The following BDH1 variants were observed in gnomAD, a reference collection of about 807,000 sequenced individuals.
The protein encoded by BDH1 is 3-hydroxybutyrate dehydrogenase 1, also known as D-beta-hydroxybutyrate dehydrogenase, mitochondrial.
Under a neutral mutation model 33.1 loss-of-function variants are expected in BDH1, and 30 were observed. That is an observed-to-expected ratio of 0.91 (90% CI 0.68 to 1.23). The LOEUF is 1.23. Ranked by LOEUF, BDH1 falls within the 50% of genes most tolerant of loss-of-function variation. BDH1 has a pLI of 0.00. For synonymous variants in BDH1, 190 were observed against 183.6 expected (o/e 1.03, Z -0.28); for missense variants, 443 against 464.4 (o/e 0.95, Z 0.42).
upstream of BDH1, among the ~76,000 whole-genome samples, chr3:197,557,242 A>C (rs1560344858): frequency 6.6e-6 from 1 of 152,258 alleles, no homozygotes; most frequent in Non-Finnish European, 1.5e-5. The surrounding 1 kb of genome is among the most constrained non-coding windows in gnomAD (Gnocchi z 4.6). Context: ...GGCACATGTC[A>C]GGACTTCCTG....
rs575256096 is a variant in BDH1 at position 197,521,442 on chromosome 3, C to G, written c.409+1198G>C. On this transcript the variant is annotated intron_variant, in intron 6 of 7. Transcript: ENST00000392379. The surrounding 1 kb of genome is among the most constrained non-coding windows in gnomAD (Gnocchi z 4.9). Reference sequence around the variant, plus strand: ...TTGGCTACTGGTACTGCCCTCTCCTCCAAACTTTCTGTTGTTTAGCCTCTG... The same window carrying G: ...TTGGCTACTGGTACTGCCCTCTCCTGCAAACTTTCTGTTGTTTAGCCTCTG... Among the ~76,000 whole-genome samples, 6 of 152,154 alleles carry G rather than the reference C, an allele frequency of 3.9e-5. No homozygotes were observed. Among genetic ancestry groups the G allele is most frequent in the Non-Finnish European group, 7.4e-5 (5 of 68,010 alleles).
chr3:197,560,495 T>C (rs1427445001), upstream of BDH1, among the ~76,000 whole-genome samples: 1 of 152,232 alleles, frequency 6.6e-6, no homozygotes, highest in African/African-American at 2.4e-5. Context: ...TGTGAGGTCC[T>C]GTTCCAGCCA....
rs1438713448 is a variant in BDH1 at position 197,521,255 on chromosome 3, G to T, written c.409+1385C>A. Among the ~76,000 whole-genome samples the T allele has an allele frequency of 6.6e-6, 1 of 152,132 alleles. No individual in the cohort carries two copies. The highest frequency in any genetic ancestry group is 2.4e-5 in the African/African-American group (1 of 41,426). On this transcript the variant is annotated intron_variant, in intron 6 of 7. Transcript: ENST00000392379. The surrounding 1 kb of genome is among the most constrained non-coding windows in gnomAD (Gnocchi z 4.9). ...AGATTCGCTTCTCCAGATGCTGCTG[G>T]GCGGCCCGGCTCCAGGGAGCTCCAT...
At chr3:197,553,915 A>G (rs1477665469) in intron 2 of BDH1, among the ~76,000 whole-genome samples, 7 of 152,350 alleles carry the variant, frequency 4.6e-5, no homozygotes, top group African/African-American at 1.7e-4. Context: ...GGTGTAACAA[A>G]TGACAGTAGT....
chr3:197,570,839 C>A (rs1023596276), intron 1 of BDH1, among the ~76,000 whole-genome samples: 3 of 152,240 alleles, frequency 2.0e-5, no homozygotes, highest in Admixed American at 6.5e-5. Flanking sequence ...AAAGTCCCCA[C>A]TAGGTTACTG....
intron 1 of BDH1, among the ~76,000 whole-genome samples, chr3:197,564,767 G>A (rs1011914012): frequency 2.6e-5 from 4 of 152,156 alleles, no homozygotes; most frequent in Non-Finnish European, 4.4e-5. Context: ...AATTAACAAG[G>A]TTTTTATGAA....
At chr3:197,549,637 G>A (rs1241126585) in intron 2 of BDH1, among the ~76,000 whole-genome samples, 6 of 152,226 alleles carry the variant, frequency 3.9e-5, no homozygotes. Context: ...TCCTGCCCCC[G>A]AGGAGGGCAA....
chr3:197,542,664 C>G lies in BDH1; in HGVS notation c.83+3697G>C, dbSNP rs1242248573. ...TCAGCCTCCCAAGTAGCTAGGATTA[C>G]AGGCACACGCCACAGGCCCGGCTAA... On this transcript the variant is annotated intron_variant, in intron 3 of 7. Coordinates refer to ENST00000392379, the MANE Select transcript of BDH1 (RefSeq NM_203314.3). Among the ~76,000 whole-genome samples the G allele has an allele frequency of 4.0e-5, 6 of 151,838 alleles. No homozygotes were observed. In the East Asian group the frequency reaches 1.2e-3, roughly 29 times the overall value.
chr3:197,522,724 T>C lies in BDH1; in HGVS notation c.325A>G (p.Thr109Ala). ...LDSLNSDRLRTVQLNVCSSEE... is the reference protein window; with the variant it reads ...LDSLNSDRLRAVQLNVCSSEE... ...CTGCTGCAGACATTGAGCTGGACGGTTCTCAATCGGTCACTGTTTAGGCTG... is the reference window on the plus strand; with the variant it reads ...CTGCTGCAGACATTGAGCTGGACGGCTCTCAATCGGTCACTGTTTAGGCTG... Residue 109 changes from threonine (T) to alanine (A), a missense_variant, in exon 6 of 8, where the codon ACC becomes GCC. Transcript: ENST00000392379. This position sits in a 1 kb window ranked among gnomAD's most constrained non-coding sequence, Gnocchi z 4.8. 1 of 1,614,130 alleles carries C rather than the reference T, an allele frequency of 6.2e-7. No individual in the cohort carries two copies. Among genetic ancestry groups the C allele is most frequent in the Non-Finnish European group, 8.5e-7 (1 of 1,180,016 alleles).
intron 3 of BDH1, among the ~76,000 whole-genome samples, chr3:197,536,276 T>A (rs935756249): frequency 2.0e-5 from 3 of 152,234 alleles, no homozygotes; most frequent in African/African-American, 7.2e-5. Flanking sequence ...TTCATTGATA[T>A]ATGTGCTGCT....
rs889581163 is a variant in BDH1 at position 197,523,975 on chromosome 3, T to G, written c.268-1194A>C. Among the ~76,000 whole-genome samples, 6 of 152,134 alleles carry G rather than the reference T, an allele frequency of 3.9e-5. No homozygotes were observed. Among genetic ancestry groups the G allele is most frequent in the African/African-American group, 1.4e-4 (6 of 41,404 alleles). ...CTGCCGAGCTGCTGGGGGGCTTTCCTCTAAGTAGACAGCATTTCCCGAGTG... is the reference window on the plus strand; with the variant it reads ...CTGCCGAGCTGCTGGGGGGCTTTCCGCTAAGTAGACAGCATTTCCCGAGTG... On this transcript the variant is annotated intron_variant, in intron 5 of 7. Transcript: ENST00000392379. The surrounding 1 kb of genome is among the most constrained non-coding windows in gnomAD (Gnocchi z 4.5).
chr3:197,524,540 C>T (rs1713894370), intron 5 of BDH1, among the ~76,000 whole-genome samples: 1 of 152,128 alleles, frequency 6.6e-6, no homozygotes, highest in Non-Finnish European at 1.5e-5. Flanking sequence ...ACGTAGTCAC[C>T]CCGGAGAGAA....
In BDH1 at chr3:197,514,479, G is replaced by C; in HGVS notation, c.410-63C>G. ...GGCTTGGCCCAGACATTGCCCATCA[G>C]CCTGCAGGCCAGCCTCCTCTCTGCT... is the stretch of plus-strand genomic sequence containing the variant. On this transcript the variant is annotated intron_variant, in intron 6 of 7. Transcript: ENST00000392379. This position sits in a 1 kb window ranked among gnomAD's most constrained non-coding sequence, Gnocchi z 4.2. 1 of 1,475,764 alleles carries C rather than the reference G, an allele frequency of 6.8e-7. No individual in the cohort carries two copies. The highest frequency in any genetic ancestry group is 2.2e-5 in the Admixed American group (1 of 45,080). 91.4% of individuals were successfully genotyped at this position (1,475,764 alleles called of 1,614,324 possible).
chr3:197,571,888 C>G (rs1317365250), intron 1 of BDH1, among the ~76,000 whole-genome samples: 1 of 152,130 alleles, frequency 6.6e-6, no homozygotes. Context: ...ACAGCAAGAC[C>G]TTGTTTCTAC....
upstream of BDH1, among the ~76,000 whole-genome samples, chr3:197,560,843 C>A (rs1387080951): frequency 6.6e-6 from 1 of 152,208 alleles, no homozygotes; most frequent in African/African-American, 2.4e-5. Flanking sequence ...TGATTGCCTT[C>A]TTTGGAAAGG....
intron 3 of BDH1, among the ~76,000 whole-genome samples, chr3:197,537,565 C>T (rs758315399): frequency 7.9e-5 from 12 of 152,152 alleles, no homozygotes; most frequent in South Asian, 2.1e-4. Context: ...GTTGGATAAG[C>T]GGTGAGAACT....
At chr3:197,532,704 C>A (rs948673690) in intron 4 of BDH1, among the ~76,000 whole-genome samples, 182 bp from the exon 5 acceptor site, 1 of 152,208 alleles carries the variant, frequency 6.6e-6, no homozygotes, top group Non-Finnish European at 1.5e-5. Context: ...AGGTTCTAAC[C>A]CAGACTCGGC....
chr3:197,537,107 G>T (rs1176118713), intron 3 of BDH1, among the ~76,000 whole-genome samples: 1 of 151,898 alleles, frequency 6.6e-6, no homozygotes, highest in African/African-American at 2.4e-5. Flanking sequence ...TTCCACCTCA[G>T]CCTCCCCAGT....
intron 4 of BDH1, among the ~76,000 whole-genome samples, chr3:197,532,919 C>A (rs1192250019): frequency 6.6e-6 from 1 of 152,194 alleles, no homozygotes; most frequent in Non-Finnish European, 1.5e-5. Flanking sequence ...TCTTGTTGCC[C>A]AGGCTGGAGG....
Sources: gnomAD v4.1 joint callset for allele counts (sites outside exome capture counted in the v4.1 genomes callset) on GRCh38, gnomAD v4.1.1 for gene constraint, Gnocchi (gnomAD v3.1) non-coding constraint, MANE v1.5 for transcripts, NCBI Gene and HGNC (gene_info 2026-07-23, HGNC 2026-07-21) for gene names.